The following DLG2 variants were observed in gnomAD, a reference collection of about 807,000 sequenced individuals.
DLG2 encodes the protein discs large MAGUK scaffold protein 2, also known as disks large homolog 2.
A neutral mutation model predicts 132.5 loss-of-function variants in DLG2; 45 were observed. That is an observed-to-expected ratio of 0.34 (90% CI 0.27 to 0.44). DLG2 has a LOEUF of 0.44. Among genes scored for constraint, DLG2 ranks in the 20% least tolerant of loss-of-function variants. DLG2 has a pLI of 1.00. For synonymous variants in DLG2, 424 were observed against 419.6 expected, an observed-to-expected ratio of 1.01 and a Z score of -0.13; for missense variants, 1,045 against 1,196.9, an observed-to-expected ratio of 0.87 and a Z score of 1.87.
intron 6 of DLG2, among the ~76,000 whole-genome samples, chr11:84,681,728 C>T (rs899841470): frequency 7.3e-5 from 11 of 151,672 alleles, no homozygotes; most frequent in African/African-American, 2.4e-4. Flanking sequence ...CTAGTAAGGG[C>T]AATTAAAGTC....
chr11:85,527,438 CAT>C (rs2074861020), intron 3 of DLG2, among the ~76,000 whole-genome samples: 1 of 151,980 alleles, frequency 6.6e-6, no homozygotes, highest in African/African-American at 2.4e-5. Context: ...TTAGTGGGAA[CAT>C]GTGGTGTTTG....
chr11:85,113,581 A>G (rs2073108151), intron 5 of DLG2, among the ~76,000 whole-genome samples: 1 of 152,074 alleles, frequency 6.6e-6, no homozygotes, highest in South Asian at 2.1e-4. Context: ...GTGAACATAA[A>G]TTATTCTTTA....
At chr11:85,535,894 T>A (rs1423220553) in intron 3 of DLG2, among the ~76,000 whole-genome samples, 2 of 152,154 alleles carry the variant, frequency 1.3e-5, no homozygotes, top group Non-Finnish European at 1.5e-5. Context: ...AAAGGCCACA[T>A]AATAATGTAG....
chr11:84,172,977 G>T (rs1309607385), intron 8 of DLG2, among the ~76,000 whole-genome samples: 2 of 151,338 alleles, frequency 1.3e-5, no homozygotes, highest in Admixed American at 1.3e-4. Flanking sequence ...GAAAGCACAC[G>T]TTTTTTTGTA....
intron 7 of DLG2, among the ~76,000 whole-genome samples, chr11:84,389,532 T>C (rs188263137): frequency 2.2e-4 from 33 of 152,290 alleles, no homozygotes; most frequent in African/African-American, 5.3e-4. Flanking sequence ...TGGAATAAAA[T>C]TGAAATAAAT....
Position 83,787,610 on chromosome 11 carries a change from C to T in DLG2, c.1723-818G>A, listed in dbSNP as rs1005929523. The stretch of plus-strand genomic sequence containing the variant: ...TGCTGGGATTACAGGCGTGAGCCAC[C>T]GCGCCCGGCCGCCTTGTTTTAAAAT... On this transcript the variant is annotated intron_variant, in intron 17 of 27. Transcript: ENST00000376104. Among the ~76,000 whole-genome samples the T allele has an allele frequency of 9.9e-5, 15 of 152,104 alleles. 1 individual carries two copies. The South Asian group carries it at 1.9e-3, about 19-fold the overall frequency.
intron 6 of DLG2, among the ~76,000 whole-genome samples, chr11:85,099,194 A>T (rs117101927): frequency 7.4e-4 from 112 of 152,338 alleles, no homozygotes; most frequent in Non-Finnish European, 1.5e-3. Context: ...TTTGGCACTG[A>T]GTCCTGCTTT....
At chr11:84,720,137 G>C (rs1336482845) in intron 6 of DLG2, among the ~76,000 whole-genome samples, 1 of 152,126 alleles carries the variant, frequency 6.6e-6, no homozygotes, top group Non-Finnish European at 1.5e-5. Context: ...AAATCAGTGC[G>C]ATCTCTTGGC....
intron 6 of DLG2, among the ~76,000 whole-genome samples, chr11:84,543,470 C>T (rs2099383151): frequency 6.6e-6 from 1 of 152,118 alleles, no homozygotes; most frequent in Non-Finnish European, 1.5e-5. Context: ...TTTTATTTTA[C>T]ATTTATTTCT....
intron 6 of DLG2, among the ~76,000 whole-genome samples, chr11:84,853,690 A>C (rs1255746850): frequency 2.6e-5 from 4 of 151,974 alleles, no homozygotes; most frequent in Non-Finnish European, 5.9e-5. Context: ...AACTTTACTG[A>C]GGGCAAACAA....
intron 7 of DLG2, among the ~76,000 whole-genome samples, chr11:84,413,364 G>C (rs1315136541): frequency 1.3e-5 from 2 of 152,290 alleles, no homozygotes; most frequent in Non-Finnish European, 2.9e-5. Context: ...AATAATTAAT[G>C]ATCTTCCCAA....
chr11:85,532,347 C>A (rs944330283), intron 3 of DLG2, among the ~76,000 whole-genome samples: 2 of 152,140 alleles, frequency 1.3e-5, no homozygotes, highest in African/African-American at 4.8e-5. Context: ...AAGATATTTT[C>A]CAAGACTAGT....
intron 6 of DLG2, among the ~76,000 whole-genome samples, chr11:85,016,121 G>C (rs1386545755): frequency 6.6e-6 from 1 of 151,934 alleles, no homozygotes; most frequent in Non-Finnish European, 1.5e-5. Flanking sequence ...AATTAAGTAA[G>C]GGTAATTTCA....
intron 17 of DLG2, among the ~76,000 whole-genome samples, chr11:83,813,995 CT>C (rs1039435408): frequency 5.9e-5 from 9 of 151,948 alleles, no homozygotes; most frequent in Admixed American, 1.3e-4. Context: ...TGCAGACTCA[CT>C]TTTTTTTCTT....
At chr11:84,582,166 T>C (rs1005941318) in intron 6 of DLG2, among the ~76,000 whole-genome samples, 8 of 151,656 alleles carry the variant, frequency 5.3e-5, no homozygotes, top group Non-Finnish European at 1.0e-4. Flanking sequence ...TTTGAATGAA[T>C]AAATACTTGA....
intron 6 of DLG2, among the ~76,000 whole-genome samples, chr11:84,708,035 G>T (rs1238810110): frequency 6.6e-6 from 1 of 151,716 alleles, no homozygotes; most frequent in South Asian, 2.1e-4. Flanking sequence ...TTTGGGCAAG[G>T]TATAGCCAAA....
At chr11:85,275,114 AT>A (rs1456074129) in intron 4 of DLG2, among the ~76,000 whole-genome samples, 1 of 152,110 alleles carries the variant, frequency 6.6e-6, no homozygotes, top group Non-Finnish European at 1.5e-5. Context: ...TTTGTCAATG[AT>A]TTTCAGTGAA....
At chr11:83,770,258 T>C (rs1432654168) in intron 18 of DLG2, among the ~76,000 whole-genome samples, 1 of 149,084 alleles carries the variant, frequency 6.7e-6, no homozygotes, top group Non-Finnish European at 1.5e-5. Context: ...GTCTGGTGTT[T>C]TTTTTTGTTT....
At chr11:84,191,055 T>C (rs1201285053) in intron 8 of DLG2, among the ~76,000 whole-genome samples, 1 of 152,210 alleles carries the variant, frequency 6.6e-6, no homozygotes, top group Non-Finnish European at 1.5e-5. Flanking sequence ...ACTTTGTTCA[T>C]TTAAATTGCA....
Sources: gnomAD v4.1 joint callset for allele counts (sites outside exome capture counted in the v4.1 genomes callset) on GRCh38, gnomAD v4.1.1 for gene constraint, MANE v1.5 for transcripts, NCBI Gene and HGNC (gene_info 2026-07-23, HGNC 2026-07-21) for gene names.